FNTB: variants seen among roughly 807,000 people sequenced by gnomAD.
FNTB encodes protein farnesyltransferase subunit beta.
A neutral mutation model predicts 59.4 loss-of-function variants in FNTB; 27 were observed. The observed-to-expected ratio is 0.45, with a 90% CI of 0.34 to 0.63. The LOEUF (loss-of-function observed/expected upper bound fraction) is 0.63, where lower values mean the gene tolerates loss of function less well. FNTB is among the 20% of genes least tolerant of loss of function. The pLI is 0.02. For synonymous variants in FNTB, 230 were observed against 220.7 expected, an observed-to-expected ratio of 1.04 and a Z score of -0.37; for missense variants, 449 against 559.6, an observed-to-expected ratio of 0.80 and a Z score of 1.99.
chr14:65,061,017 C>G (rs1641311998), intron 11 of FNTB, among the ~76,000 whole-genome samples, 164 bp from the exon 12 acceptor site: 1 of 151,766 alleles, frequency 6.6e-6, no homozygotes, highest in South Asian at 2.1e-4. Flanking sequence ...GTCCCATGTA[C>G]TAGATAGTTT....
In FNTB at chr14:64,994,481, GC is replaced by G. The variant is rs1888321448; in HGVS notation, c.144+7385del. On this transcript the variant is annotated intron_variant, in intron 1 of 11. Transcript: ENST00000246166. The surrounding 1 kb of genome is among the most constrained non-coding windows in gnomAD (Gnocchi z 4.2). ...ATGGCATAGCCTACTACACACCTAG[GC>G]TATATGGTATAGCTTGTTGCTCCTA... 6.6e-6 allele frequency among the ~76,000 whole-genome samples: 1 copy of G among 152,072 alleles called. No individual in the cohort carries two copies.
Position 64,990,306 on chromosome 14 carries a change from C to T in FNTB, c.144+3209C>T, listed in dbSNP as rs1286083689. ...AGATGTGCCCCAGGAGGGGGCCCTG[C>T]ACTGACAGGTTGCCTTGCTTTATGG... On this transcript the variant is annotated intron_variant, in intron 1 of 11. Transcript: ENST00000246166. This position sits in a 1 kb window ranked among gnomAD's most constrained non-coding sequence, Gnocchi z 5.2. 3.3e-5 allele frequency among the ~76,000 whole-genome samples: 5 copies of T among 152,220 alleles called. No homozygotes were observed. Among genetic ancestry groups the T allele is most frequent in the Admixed American group, 6.5e-5 (1 of 15,288 alleles).
Position 64,994,451 on chromosome 14 carries a change from T to G in FNTB, c.144+7354T>G, listed in dbSNP as rs1024012653. On this transcript the variant is annotated intron_variant, in intron 1 of 11. Coordinates refer to ENST00000246166, the MANE Select transcript of FNTB (RefSeq NM_002028.4). This position sits in a 1 kb window ranked among gnomAD's most constrained non-coding sequence, Gnocchi z 4.2. ...CATCATAGAGTGTACTTAACACAAATGTAGATGGCATAGCCTACTACACAC... is the reference window on the plus strand; with the variant it reads ...CATCATAGAGTGTACTTAACACAAAGGTAGATGGCATAGCCTACTACACAC... Among the ~76,000 whole-genome samples, 3 of 152,172 alleles carry G rather than the reference T, an allele frequency of 2.0e-5. No individual in the cohort carries two copies. The highest frequency in any genetic ancestry group is 7.2e-5 in the African/African-American group (3 of 41,440).
rs779273416 is a variant in FNTB at position 65,031,410 on chromosome 14, C to T, written c.606-1200C>T. Among the ~76,000 whole-genome samples, 28 of 151,350 alleles carry T rather than the reference C, an allele frequency of 1.9e-4. No individual in the cohort carries two copies. Among genetic ancestry groups the T allele is most frequent in the Admixed American group, 3.3e-4 (5 of 15,214 alleles). ...TTGGCTCACTGCAACCCCCGCCTCC[C>T]GGGTTCAAGTGGTTCTCCTGCCTCA... is the stretch of plus-strand genomic sequence containing the variant. On this transcript the variant is annotated intron_variant, in intron 6 of 11. Coordinates refer to ENST00000246166, the MANE Select transcript of FNTB (RefSeq NM_002028.4). This position sits in a 1 kb window ranked among gnomAD's most constrained non-coding sequence, Gnocchi z 4.6.
intron 9 of FNTB, among the ~76,000 whole-genome samples, chr14:65,050,025 T>C (rs1015217277): frequency 2.6e-5 from 4 of 152,168 alleles, no homozygotes; most frequent in African/African-American, 4.8e-5. Context: ...TAAAAAGTTT[T>C]AAACTCACAT....
At chr14:65,008,074 TG>T (rs1245664785) in intron 2 of FNTB, among the ~76,000 whole-genome samples, 6 of 152,344 alleles carry the variant, frequency 3.9e-5, no homozygotes, top group African/African-American at 1.2e-4. Flanking sequence ...AGGTAGAGGA[TG>T]TATTCCCTTC....
At chr14:65,049,034 G>C (rs1432403664) in intron 9 of FNTB, among the ~76,000 whole-genome samples, 1 of 151,918 alleles carries the variant, frequency 6.6e-6, no homozygotes, top group Admixed American at 6.6e-5. Context: ...GGCTGAGGCA[G>C]GAGAATCCCT....
chr14:65,014,909 T>C lies in FNTB; in HGVS notation c.283-716T>C, dbSNP rs2061741757. Among the ~76,000 whole-genome samples, 2 of 152,266 alleles carry C rather than the reference T, an allele frequency of 1.3e-5. No individual in the cohort carries two copies. Among genetic ancestry groups the C allele is most frequent in the Middle Eastern group, 3.4e-3 (1 of 294 alleles). On this transcript the variant is annotated intron_variant, in intron 3 of 11. Coordinates refer to ENST00000246166, the MANE Select transcript of FNTB (RefSeq NM_002028.4). This position sits in a 1 kb window ranked among gnomAD's most constrained non-coding sequence, Gnocchi z 5.1. ...TAGATACTATCAAATATTTGTTGAA[T>C]CAGTGATTGAGTTAAGCTAGGAAAT...
chr14:65,000,782 T>C (rs963890009), intron 1 of FNTB, among the ~76,000 whole-genome samples: 11 of 123,980 alleles, frequency 8.9e-5, no homozygotes, highest in African/African-American at 3.5e-4. Flanking sequence ...ATCGCACCAC[T>C]GCCCTCCAGC....
chr14:65,027,330 G>C lies in FNTB; in HGVS notation c.375-123G>C. On this transcript the variant is annotated intron_variant, in intron 4 of 11. Coordinates refer to ENST00000246166, the MANE Select transcript of FNTB (RefSeq NM_002028.4). This position sits in a 1 kb window ranked among gnomAD's most constrained non-coding sequence, Gnocchi z 5.7. ...AGGTTATATTCAACAAGTGGGAGGA[G>C]AGGTTCCCCTCAACTTTTGAGGGAG... 6.8e-7 allele frequency: 1 copy of C among 1,461,016 alleles called. No individual in the cohort carries two copies. Among genetic ancestry groups the C allele is most frequent in the Non-Finnish European group, 9.3e-7 (1 of 1,078,238 alleles). 90.5% of individuals were successfully genotyped at this position (1,461,016 alleles called of 1,614,324 possible). A position where few individuals can be genotyped will look rare whatever the true frequency, so the allele number is the denominator to read the frequency against.
intron 1 of FNTB, among the ~76,000 whole-genome samples, chr14:65,000,815 C>CA (rs59420832): frequency 0.035 from 1,256 of 36,386 alleles, 132 homozygotes; most frequent in Middle Eastern, 0.052. Context: ...GACTCCGTCT[C>CA]AAAAAAAAAA....
chr14:65,054,644 A>C lies in FNTB; in HGVS notation c.1137A>C (p.Gly379=), dbSNP rs780385505. ...CCATAGCCCAGCACTTCGGCAGCGG[A>C]GCCATGTTGCATGATGTGGTCCTGG... ...GLSIAQHFGS[G]AMLHDVVLGV... Residue 379 remains glycine (G), a synonymous_variant, in exon 11 of 12, where the codon GGA becomes GGC. Coordinates refer to ENST00000246166, the MANE Select transcript of FNTB (RefSeq NM_002028.4). The surrounding 1 kb of genome is among the most constrained non-coding windows in gnomAD (Gnocchi z 4.4). 1 of 1,613,502 alleles carries C rather than the reference A, an allele frequency of 6.2e-7. No individual in the cohort carries two copies. The highest frequency in any genetic ancestry group is 1.3e-5 in the African/African-American group (1 of 74,890).
chr14:65,053,300 C>A lies in FNTB; in HGVS notation c.1018C>A (p.Leu340Met). ...TCAGCAGGCCCTGCAGGAGTACATC[C>A]TGATGTGCTGCCAGTGCCCTGCGGG... Reference protein sequence around the residue: ...FHQQALQEYILMCCQCPAGGL... With the variant: ...FHQQALQEYIMMCCQCPAGGL... Residue 340 changes from leucine to methionine, a missense_variant, in exon 10 of 12, where the codon CTG (leucine) becomes ATG (methionine). By Grantham distance (15) the Leu-to-Met change is conservative. Transcript: ENST00000246166. 6.8e-7 allele frequency: 1 copy of A among 1,463,270 alleles called. No individual in the cohort carries two copies. The highest frequency in any genetic ancestry group is 9.1e-7 in the Non-Finnish European group (1 of 1,100,078). 90.6% of individuals were successfully genotyped at this position (1,463,270 alleles called of 1,614,324 possible). A position where few individuals can be genotyped will look rare whatever the true frequency, so the allele number is the denominator to read the frequency against.
chr14:65,058,703 T>C (rs542810334), intron 11 of FNTB, among the ~76,000 whole-genome samples: 80 of 152,364 alleles, frequency 5.3e-4, no homozygotes, highest in African/African-American at 1.8e-3. Flanking sequence ...TATTGAATGC[T>C]TTCTCCGCAT....
chr14:65,039,907 G>A (rs1293496512), intron 7 of FNTB, among the ~76,000 whole-genome samples: 1 of 152,204 alleles, frequency 6.6e-6, no homozygotes, highest in Non-Finnish European at 1.5e-5. Context: ...GATCACCAGA[G>A]GCCAAGTGCG....
chr14:64,997,334 C>T lies in FNTB; in HGVS notation c.145-6915C>T, dbSNP rs1249512730. On this transcript the variant is annotated intron_variant, in intron 1 of 11. Coordinates refer to ENST00000246166, the MANE Select transcript of FNTB (RefSeq NM_002028.4). This position sits in a 1 kb window ranked among gnomAD's most constrained non-coding sequence, Gnocchi z 4.5. Reference sequence around the variant, plus strand: ...CAGACAGGTCCTGTGGCCCCACCCACAGGCTGACTCAGTGCCGGAGGACCA... The same window carrying T: ...CAGACAGGTCCTGTGGCCCCACCCATAGGCTGACTCAGTGCCGGAGGACCA... 1.3e-5 allele frequency among the ~76,000 whole-genome samples: 2 copies of T among 152,196 alleles called. No individual in the cohort carries two copies. Among genetic ancestry groups the T allele is most frequent in the African/African-American group, 4.8e-5 (2 of 41,452 alleles).
intron 11 of FNTB, 53 bp from the exon 12 acceptor site, chr14:65,061,128 T>C (rs2062857475): frequency 1.9e-6 from 3 of 1,602,130 alleles, no homozygotes; most frequent in Admixed American, 1.7e-5. Context: ...GGATGTGTTA[T>C]GTTTTCAAGG....
In FNTB at chr14:65,011,948, A is replaced by G. The variant is rs1244119523; in HGVS notation, c.210-369A>G. 1.3e-5 allele frequency among the ~76,000 whole-genome samples: 2 copies of G among 152,208 alleles called. No individual in the cohort carries two copies. Among genetic ancestry groups the G allele is most frequent in the Admixed American group, 1.3e-4 (2 of 15,282 alleles). On this transcript the variant is annotated intron_variant, in intron 2 of 11. Transcript: ENST00000246166. The surrounding 1 kb of genome is among the most constrained non-coding windows in gnomAD (Gnocchi z 4.0). Reference sequence around the variant, plus strand: ...CGAGGCTCAGATTTAAATTGCTTATAGGATGGGGAGGCACAAAGATATCTG... The same window carrying G: ...CGAGGCTCAGATTTAAATTGCTTATGGGATGGGGAGGCACAAAGATATCTG...
At position 65,032,499 on chromosome 14, in the gene FNTB, A is replaced by C; in HGVS notation, c.606-111A>C. 1 of 1,118,926 alleles carries C rather than the reference A, an allele frequency of 8.9e-7. No homozygotes were observed. The highest frequency in any genetic ancestry group is 1.3e-6 in the Non-Finnish European group (1 of 797,386). 69.3% of individuals were successfully genotyped at this position (1,118,926 alleles called of 1,614,324 possible). A position where few individuals can be genotyped will look rare whatever the true frequency, so the allele number is the denominator to read the frequency against. On this transcript the variant is annotated intron_variant, in intron 6 of 11. Transcript: ENST00000246166. The surrounding 1 kb of genome is among the most constrained non-coding windows in gnomAD (Gnocchi z 5.0). ...CTGACCGTGTGCCAAGAGTGAGGAC[A>C]GGAGGTGATTACAGCTTACTAGGCA...
Sources: allele counts gnomAD v4.1 joint callset (sites outside exome capture counted in the v4.1 genomes callset), GRCh38; gene constraint gnomAD v4.1.1; non-coding constraint Gnocchi (gnomAD v3.1); transcripts MANE v1.5; gene names NCBI Gene and HGNC (gene_info 2026-07-23, HGNC 2026-07-21).